PRMT7: variants seen among roughly 807,000 people sequenced by gnomAD.
PRMT7 encodes protein arginine N-methyltransferase 7.
Under a neutral mutation model 85.4 loss-of-function variants are expected in PRMT7, and 75 were observed. The observed-to-expected ratio is 0.88, with a 90% CI of 0.73 to 1.06. The LOEUF (loss-of-function observed/expected upper bound fraction) is 1.06. Among genes scored for constraint, PRMT7 ranks in the 50% least tolerant of loss-of-function variants. The pLI is 0.00. For missense variants in PRMT7, 868 were observed against 915.2 expected (o/e 0.95, Z 0.67); for synonymous variants, 397 against 359.5 (o/e 1.10, Z -1.18).
At chr16:68,332,131 C>G (rs1171497663) in intron 6 of PRMT7, among the ~76,000 whole-genome samples, 2 of 152,166 alleles carry the variant, frequency 1.3e-5, no homozygotes, top group African/African-American at 4.8e-5. Flanking sequence ...CTTGTTTAAG[C>G]TTTCTTTGGA....
chr16:68,345,266 G>A (rs2086186151), intron 9 of PRMT7, among the ~76,000 whole-genome samples: 1 of 152,218 alleles, frequency 6.6e-6, no homozygotes, highest in African/African-American at 2.4e-5. Flanking sequence ...CCTTTGGAAT[G>A]CGTGCCATGG....
intron 17 of PRMT7, among the ~76,000 whole-genome samples, chr16:68,356,292 C>T (rs1471686590): frequency 6.6e-6 from 1 of 152,250 alleles, no homozygotes; most frequent in Non-Finnish European, 1.5e-5. Context: ...CACCCTCGCC[C>T]GAGGAGTGAC....
intron 7 of PRMT7, 105 bp from the exon 8 acceptor site, chr16:68,339,217 C>T (rs988007698): frequency 6.7e-7 from 1 of 1,481,768 alleles, no homozygotes; most frequent in African/African-American, 1.4e-5. Context: ...TTGGGCATTA[C>T]TGAACCAACC....
chr16:68,315,748 G>A (rs1453045533), intron 2 of PRMT7, 149 bp from the exon 3 acceptor site: 1 of 524,124 alleles, frequency 1.9e-6, no homozygotes, highest in South Asian at 2.1e-5. Flanking sequence ...AATACTATCA[G>A]TGGCTTTGAC....
chr16:68,352,237 C>G lies in PRMT7; in HGVS notation c.1414-11C>G. On this transcript the variant is annotated splice_polypyrimidine_tract_variant and intron_variant, in intron 14 of 18. Transcript: ENST00000441236. ...CTGACACCTGGGCCCTGCTTCTCGC[C>G]CATTCACCAGGTCTCTCTCCTCCTG... is the stretch of plus-strand genomic sequence containing the variant. 6.2e-7 allele frequency: 1 copy of G among 1,612,242 alleles called. No homozygotes were observed. Among genetic ancestry groups the G allele is most frequent in the Non-Finnish European group, 8.5e-7 (1 of 1,179,556 alleles).
rs549846882 is a variant in PRMT7 at position 68,346,682 on chromosome 16, G to A, written c.1191+402G>A. ...CTTTGCTCCCTGCTACCTGTAGCAG[G>A]GGACTCGGCTTGGGGATTACAGATG... On this transcript the variant is annotated intron_variant, in intron 11 of 18. Transcript: ENST00000441236. Among the ~76,000 whole-genome samples the A allele has an allele frequency of 2.6e-5, 4 of 152,224 alleles. No individual in the cohort carries two copies. In the East Asian group the frequency reaches 7.7e-4, roughly 29 times the overall value.
chr16:68,321,704 G>A (rs2082519493), intron 4 of PRMT7: 8 of 435,070 alleles, frequency 1.8e-5, no homozygotes, highest in Admixed American at 8.2e-5. Context: ...GTAATACAAT[G>A]TGATGAATAT....
At chr16:68,333,272 T>G (rs947642703) in intron 6 of PRMT7, among the ~76,000 whole-genome samples, 10 of 151,584 alleles carry the variant, frequency 6.6e-5, no homozygotes. Flanking sequence ...TCACCTGAGG[T>G]TGGGAGTAGC....
intron 13 of PRMT7, 39 bp from the exon 14 acceptor site, chr16:68,348,303 T>G (rs2086711065): frequency 6.8e-7 from 1 of 1,471,076 alleles, no homozygotes; most frequent in Non-Finnish European, 9.4e-7. Context: ...ACACAATACT[T>G]TAGTATGAAT....
At chr16:68,339,096 A>G (rs1787740990) in intron 7 of PRMT7, among the ~76,000 whole-genome samples, 1 of 152,194 alleles carries the variant, frequency 6.6e-6, no homozygotes, top group African/African-American at 2.4e-5. Flanking sequence ...CTTAGCTGAC[A>G]GAAGTCATTT....
At chr16:68,321,717 G>T in intron 4 of PRMT7, 1 of 389,666 alleles carries the variant, frequency 2.6e-6, no homozygotes, top group Non-Finnish European at 4.6e-6. Context: ...ATGAATATAT[G>T]TGTATGGTGT....
intron 4 of PRMT7, 129 bp from the exon 5 acceptor site, chr16:68,324,554 C>T (rs2082878410): frequency 3.5e-6 from 4 of 1,144,314 alleles, no homozygotes; most frequent in African/African-American, 1.5e-5. Context: ...AGCTGTTCTG[C>T]CAGGGGCCAG....
chr16:68,353,473 G>A lies in PRMT7; in HGVS notation c.1576-19G>A, dbSNP rs571131102. 1 of 1,610,132 alleles carries A rather than the reference G, an allele frequency of 6.2e-7. No individual in the cohort carries two copies. The highest frequency in any genetic ancestry group is 8.5e-7 in the Non-Finnish European group (1 of 1,178,632). On this transcript the variant is annotated intron_variant, in intron 15 of 18. Coordinates refer to ENST00000441236, the MANE Select transcript of PRMT7 (RefSeq NM_019023.5). ...TGTCCTGGCGGGCGGGTGTGGACGG[G>A]GCTGCTCCTTCCTCACAGGACCTGT...
Position 68,315,892 on chromosome 16 carries a change from A to T in PRMT7, c.-83-5A>T. ...ATACCTCCTGTTTCCTTCTGATGTT[A>T]ATAGATTTCTGACAGTCAGACTTGT... On this transcript the variant is annotated splice_polypyrimidine_tract_variant and splice_region_variant and intron_variant, in intron 2 of 18. Coordinates refer to ENST00000441236, the MANE Select transcript of PRMT7 (RefSeq NM_019023.5). The T allele has an allele frequency of 1.9e-6, 2 of 1,063,532 alleles. No individual in the cohort carries two copies. Among genetic ancestry groups the T allele is most frequent in the Non-Finnish European group, 2.9e-6 (2 of 691,442 alleles). 65.9% of individuals were successfully genotyped at this position (1,063,532 alleles called of 1,614,324 possible). A position where few individuals can be genotyped will look rare whatever the true frequency, so the allele number is the denominator to read the frequency against.
intron 5 of PRMT7, among the ~76,000 whole-genome samples, chr16:68,326,998 C>G (rs1172666878): frequency 6.6e-6 from 1 of 152,116 alleles, no homozygotes; most frequent in Non-Finnish European, 1.5e-5. Context: ...CAAACCACAT[C>G]TAAAAACATC....
intron 2 of PRMT7, among the ~76,000 whole-genome samples, chr16:68,312,508 T>G (rs1019678192): frequency 6.6e-6 from 1 of 152,068 alleles, no homozygotes; most frequent in African/African-American, 2.4e-5. Flanking sequence ...AGTGCTGGGA[T>G]CACAGGTGTG....
downstream of PRMT7, chr16:68,359,509 T>C (rs2089105265): frequency 6.5e-6 from 1 of 152,768 alleles, no homozygotes; most frequent in African/African-American, 2.4e-5. Context: ...CAGCGTTGTC[T>C]GCCCCAGCAC....
In PRMT7 at chr16:68,339,957, G is replaced by C. The variant is rs780495139; in HGVS notation, c.916G>C (p.Glu306Gln). The change falls in exon 9 of 19, where the codon GAG (glutamate) becomes CAG (glutamine). Residue 306 changes from glutamate (E) to glutamine (Q), a missense_variant. By Grantham distance (29) the Glu-to-Gln change is conservative. Coordinates refer to ENST00000441236, the MANE Select transcript of PRMT7 (RefSeq NM_019023.5). ...CCCCTTCTGGGCACACTCAGACCCAGAGGAGATGCAGGTAAGAGGCAGGAG... is the reference window on the plus strand; with the variant it reads ...CCCCTTCTGGGCACACTCAGACCCACAGGAGATGCAGGTAAGAGGCAGGAG... Reference protein sequence around the residue: ...MAPFWAHSDPEEMQWRDHWMQ... With the variant: ...MAPFWAHSDPQEMQWRDHWMQ... 3.9e-5 allele frequency: 62 copies of C among 1,609,484 alleles called. No individual in the cohort carries two copies. The highest frequency in any genetic ancestry group is 5.0e-5 in the Non-Finnish European group (59 of 1,178,082).
At chr16:68,350,044 G>A (rs2087050533) in intron 14 of PRMT7, among the ~76,000 whole-genome samples, 1 of 152,266 alleles carries the variant, frequency 6.6e-6, no homozygotes, top group Non-Finnish European at 1.5e-5. Flanking sequence ...TATCTCAAAA[G>A]TGAGGTACGC....
Sources: gnomAD v4.1 joint callset for allele counts (sites outside exome capture counted in the v4.1 genomes callset) on GRCh38, gnomAD v4.1.1 for gene constraint, MANE v1.5 for transcripts, NCBI Gene and HGNC (gene_info 2026-07-23, HGNC 2026-07-21) for gene names.